Variants in EIF2S3B observed in about 807,000 individuals in gnomAD.
EIF2S3B encodes the protein eukaryotic translation initiation factor 2 subunit 3B.
Under a neutral mutation model 26.4 loss-of-function variants are expected in EIF2S3B, and 16 were observed. The ratio of observed to expected loss-of-function variants is 0.61; its 90% CI spans 0.41 to 0.92. The LOEUF is 0.92. EIF2S3B is among the 40% of genes least tolerant of loss of function. EIF2S3B has a pLI of 0.00. For synonymous variants in EIF2S3B, 183 were observed against 204.4 expected (o/e 0.90, Z 0.89); for missense variants, 510 against 575.5 (o/e 0.89, Z 1.16).
At position 10,508,213 on chromosome 12, in the gene EIF2S3B, T is replaced by G. The variant is rs987234860; in HGVS notation, c.*892T>G. 5.9e-5 allele frequency among the ~76,000 whole-genome samples: 9 copies of G among 152,166 alleles called. No individual in the cohort carries two copies. Among genetic ancestry groups the G allele is most frequent in the African/African-American group, 9.7e-5 (4 of 41,444 alleles). On this transcript the variant is annotated 3_prime_UTR_variant, in exon 1 of 1. Coordinates refer to ENST00000538173, the MANE Select transcript of EIF2S3B (RefSeq NM_001357734.3). ...AAATTGTCCTTTAGAGCATGATTAC[T>G]TGTTCCCATGGGCAAATAATTTTCT...
chr12:10,518,972 T>C (rs1864797631), intron 1 of EIF2S3B, among the ~76,000 whole-genome samples: 1 of 151,994 alleles, frequency 6.6e-6, no homozygotes, highest in African/African-American at 2.4e-5. Context: ...CCCATCAAGC[T>C]ACCAATGACT....
chr12:10,515,200 G>A (rs1428357387), intron 1 of EIF2S3B, among the ~76,000 whole-genome samples: 2 of 151,740 alleles, frequency 1.3e-5, no homozygotes, highest in Non-Finnish European at 2.9e-5. Context: ...CATCAATTAT[G>A]ATCTACAGGG....
chr12:10,512,643 A>AG (rs1565527797), downstream of EIF2S3B, among the ~76,000 whole-genome samples: 6 of 152,162 alleles, frequency 3.9e-5, 1 homozygote, highest in South Asian at 1.2e-3. Flanking sequence ...CATCTATCTC[A>AG]GAAAAAAAAT....
intron 1 of EIF2S3B, chr12:10,522,532 C>A (rs537347212): frequency 1.3e-5 from 8 of 600,044 alleles, no homozygotes; most frequent in Non-Finnish European, 2.1e-5. Flanking sequence ...TTTCCTTATA[C>A]CTAAATAGAT....
At chr12:10,516,594 C>T (rs1864760072) in intron 1 of EIF2S3B, among the ~76,000 whole-genome samples, 1 of 151,870 alleles carries the variant, frequency 6.6e-6, no homozygotes, top group East Asian at 1.9e-4. Context: ...TAATTGAATA[C>T]CCTTTATTTC....
At chr12:10,515,612 T>G (rs1332396625) in intron 1 of EIF2S3B, among the ~76,000 whole-genome samples, 14 of 152,008 alleles carry the variant, frequency 9.2e-5, no homozygotes, top group Admixed American at 9.2e-4. Context: ...ACTCTATAAC[T>G]CTAGTAACAT....
rs1389651718 is a variant in EIF2S3B, at chr12:10,514,603, A to G, written c.1308+7393A>G. ...AAGCACCTAAATCATCACCATTATC[A>G]CAACAAACATAGTTTAATGTTCTTC... On this transcript the variant is annotated intron_variant, in intron 1 of 1. Transcript: ENST00000322446. 2.0e-5 allele frequency among the ~76,000 whole-genome samples: 3 copies of G among 152,266 alleles called. No homozygotes were observed. In the East Asian group the frequency reaches 5.8e-4, roughly 29 times the overall value.
In EIF2S3B at chr12:10,506,412, A is replaced by C; in HGVS notation, c.510A>C (p.Thr170=). 6.2e-7 allele frequency: 1 copy of C among 1,613,922 alleles called. No homozygotes were observed. The highest frequency in any genetic ancestry group is 1.3e-5 in the African/African-American group (1 of 75,044). The change falls in exon 1 of 1, where the codon ACA becomes ACC. Residue 170 remains threonine (T), a synonymous_variant. Coordinates refer to ENST00000538173, the MANE Select transcript of EIF2S3B (RefSeq NM_001357734.3). ...ATGAATCTTGCCCTCAGCCTCAGAC[A>C]TCTGAACACCTGGCTGCTATAGAGA... ...AGNESCPQPQ[T]SEHLAAIEIM...
chr12:10,517,764 C>T (rs1477358383), intron 1 of EIF2S3B, among the ~76,000 whole-genome samples: 3 of 152,200 alleles, frequency 2.0e-5, no homozygotes, highest in Non-Finnish European at 4.4e-5. Context: ...ATAAATTTCC[C>T]TGTACACACT....
In EIF2S3B at chr12:10,507,247, A is replaced by G. The variant is rs2137941364; in HGVS notation, c.1345A>G (p.Lys449Glu). The stretch of plus-strand genomic sequence containing the variant: ...AATTGCCCTTAGCCGAAGAGTTGAA[A>G]AACACTGGCGTTTAATTGGTTGGGG... ...EKIALSRRVEKHWRLIGWGQI... is the reference protein window; with the variant it reads ...EKIALSRRVEEHWRLIGWGQI... Residue 449 changes from lysine (K) to glutamate (E), a missense_variant, in exon 1 of 1, where the codon AAA (lysine) becomes GAA (glutamate). Coordinates refer to ENST00000538173, the MANE Select transcript of EIF2S3B (RefSeq NM_001357734.3). 1 of 1,613,886 alleles carries G rather than the reference A, an allele frequency of 6.2e-7. No homozygotes were observed. Among genetic ancestry groups the G allele is most frequent in the Admixed American group, 1.7e-5 (1 of 60,014 alleles).
chr12:10,510,169 G>A (rs1864690153), downstream of EIF2S3B, among the ~76,000 whole-genome samples: 1 of 152,136 alleles, frequency 6.6e-6, no homozygotes, highest in Non-Finnish European at 1.5e-5. Flanking sequence ...ACAATGAGAG[G>A]ACATCAGGGC....
rs1864669985 is a variant in EIF2S3B, at chr12:10,508,478, A to G, written c.*1157A>G. 6.9e-6 allele frequency among the ~76,000 whole-genome samples: 1 copy of G among 145,952 alleles called. No homozygotes were observed. Among genetic ancestry groups the G allele is most frequent in the Non-Finnish European group, 1.5e-5 (1 of 66,946 alleles). ...TTGTGACACAGATTATAATATTACT[A>G]ATTTTTGGATGTTTCAAAAGGTCAA... On this transcript the variant is annotated 3_prime_UTR_variant, in exon 1 of 1. Transcript: ENST00000538173.
At chr12:10,512,204 T>G (rs1181117099), downstream of EIF2S3B, among the ~76,000 whole-genome samples, 12 of 152,156 alleles carry the variant, frequency 7.9e-5, no homozygotes, top group Admixed American at 7.9e-4. Context: ...GTGCAGCACT[T>G]TATAATTTTG....
In EIF2S3B at chr12:10,507,294, A is replaced by T; in HGVS notation, c.1392A>T (p.Thr464=). The T allele has an allele frequency of 6.2e-7, 1 of 1,613,440 alleles. No homozygotes were observed. Among genetic ancestry groups the T allele is most frequent in the South Asian group, 1.1e-5 (1 of 91,068 alleles). ...IGWGQIRRGV[T]IKPTVDDD is the part of the protein sequence containing the mutation. ...GGGGTCAGATAAGAAGAGGAGTGAC[A>T]ATCAAGCCAACAGTAGATGATGACT... is the stretch of plus-strand genomic sequence containing the variant. The change falls in exon 1 of 1, where the codon ACA becomes ACT. Residue 464 remains threonine (T), a synonymous_variant. Transcript: ENST00000538173.
chr12:10,515,957 A>G (rs577431877), intron 1 of EIF2S3B, among the ~76,000 whole-genome samples: 2 of 151,110 alleles, frequency 1.3e-5, no homozygotes, highest in South Asian at 4.1e-4. Context: ...GTTAGTATAC[A>G]TATGTAAAAT....
At chr12:10,519,453 G>A (rs1416656897) in intron 1 of EIF2S3B, among the ~76,000 whole-genome samples, 2 of 151,802 alleles carry the variant, frequency 1.3e-5, no homozygotes, top group Non-Finnish European at 2.9e-5. Context: ...GCATGGGCAA[G>A]GACTTCATGT....
At chr12:10,518,977 A>G (rs1284955248) in intron 1 of EIF2S3B, among the ~76,000 whole-genome samples, 2 of 151,932 alleles carry the variant, frequency 1.3e-5, no homozygotes, top group African/African-American at 4.8e-5. Context: ...CAAGCTACCA[A>G]TGACTTTCTT....
chr12:10,506,897 C>T lies in EIF2S3B; in HGVS notation c.995C>T (p.Ala332Val). Residue 332 changes from alanine (A) to valine (V), a missense_variant, in exon 1 of 1, where the codon GCT becomes GTT. Coordinates refer to ENST00000538173, the MANE Select transcript of EIF2S3B (RefSeq NM_001357734.3). ...FAEHNDLQYA[A>V]PGGLIGVGTK... ...GAGCATAATGATCTGCAATATGCTGCTCCAGGCGGTCTTATTGGAGTTGGA... is the reference window on the plus strand; with the variant it reads ...GAGCATAATGATCTGCAATATGCTGTTCCAGGCGGTCTTATTGGAGTTGGA... The T allele has an allele frequency of 6.2e-7, 1 of 1,613,754 alleles. No homozygotes were observed. The highest frequency in any genetic ancestry group is 8.5e-7 in the Non-Finnish European group (1 of 1,179,626).
rs2137939913 is a variant in EIF2S3B at position 10,506,583 on chromosome 12, G to A, written c.681G>A (p.Gln227=). 2 of 1,602,500 alleles carry A rather than the reference G, an allele frequency of 1.2e-6. No homozygotes were observed. The highest frequency in any genetic ancestry group is 4.5e-5 in the East Asian group (2 of 44,820). The change falls in exon 1 of 1, where the codon CAG becomes CAA. Residue 227 remains glutamine, a synonymous_variant. Coordinates refer to ENST00000538173, the MANE Select transcript of EIF2S3B (RefSeq NM_001357734.3). ...CTCCCATTATTCCAATTTCGGCTCA[G>A]CTGAAATACAATATTGAAGTTGTTT... ...EGAPIIPISA[Q]LKYNIEVVCE... is the part of the protein sequence containing the mutation.
Sources: gnomAD v4.1 joint callset for allele counts (sites outside exome capture counted in the v4.1 genomes callset) on GRCh38, gnomAD v4.1.1 for gene constraint, MANE v1.5 for transcripts, NCBI Gene and HGNC (gene_info 2026-07-23, HGNC 2026-07-21) for gene names.